MEI4: variants seen among roughly 807,000 people sequenced by gnomAD.
MEI4 encodes meiosis-specific protein MEI4.
Under a neutral mutation model 31.4 loss-of-function variants are expected in MEI4, and 27 were observed. The ratio of observed to expected loss-of-function variants is 0.86; its 90% CI spans 0.63 to 1.19. MEI4 has a LOEUF of 1.19. MEI4 is among the 50% of genes most tolerant of loss of function. The pLI, the probability that MEI4 is intolerant of heterozygous loss-of-function variation, is 0.00. For missense variants in MEI4, 329 were observed against 398.9 expected (o/e 0.82, Z 1.49); for synonymous variants, 122 against 145.4 (o/e 0.84, Z 1.16).
intron 4 of MEI4, among the ~76,000 whole-genome samples, chr6:77,850,080 A>G (rs1044529911): frequency 1.6e-4 from 25 of 152,160 alleles, no homozygotes; most frequent in African/African-American, 5.6e-4. Flanking sequence ...TCCTTCAACT[A>G]CTTTATTGAA....
At chr6:77,894,724 G>A (rs1024691174) in intron 4 of MEI4, among the ~76,000 whole-genome samples, 1 of 152,154 alleles carries the variant, frequency 6.6e-6, no homozygotes, top group Non-Finnish European at 1.5e-5. Flanking sequence ...CTAATCATGG[G>A]TTTTGTATCC....
At chr6:77,761,031 A>G in intron 2 of MEI4, 99 bp from the exon 3 acceptor site, 1 of 803,772 alleles carries the variant, frequency 1.2e-6, no homozygotes, top group Non-Finnish European at 1.7e-6. Context: ...GTGTATTTAT[A>G]TACTTCATTT....
intron 3 of MEI4, among the ~76,000 whole-genome samples, chr6:77,798,850 C>T (rs1769162109): frequency 1.3e-5 from 2 of 151,874 alleles, no homozygotes; most frequent in African/African-American, 4.8e-5. Context: ...GCGTAGTATT[C>T]CATGGTGTAT....
Position 77,678,739 on chromosome 6 carries a change from G to T in MEI4, c.-14-11919G>T, listed in dbSNP as rs150462752. Among the ~76,000 whole-genome samples, 26 of 151,916 alleles carry T rather than the reference G, an allele frequency of 1.7e-4. 1 individual carries two copies. In the East Asian group the frequency reaches 4.8e-3, roughly 28 times the overall value. On this transcript the variant is annotated intron_variant, in intron 1 of 4. Transcript: ENST00000684080. ...TACTTATTAAAAAAAAAAGATAATT[G>T]CAAAAGAGTCTCAGGTGGGTCCTAC... is the stretch of plus-strand genomic sequence containing the variant.
At chr6:77,767,767 AAC>A (rs1768212354) in intron 3 of MEI4, among the ~76,000 whole-genome samples, 1 of 152,086 alleles carries the variant, frequency 6.6e-6, no homozygotes, top group African/African-American at 2.4e-5. Flanking sequence ...TAATTAGATA[AAC>A]ACTTACTGAA....
chr6:77,774,562 A>G (rs1768392514), intron 3 of MEI4, among the ~76,000 whole-genome samples: 1 of 152,112 alleles, frequency 6.6e-6, no homozygotes, highest in Admixed American at 6.6e-5. Context: ...GGCCTAATGC[A>G]GGAAGTAGCT....
chr6:77,818,846 T>C (rs1769748726), intron 3 of MEI4, among the ~76,000 whole-genome samples: 1 of 152,098 alleles, frequency 6.6e-6, no homozygotes. Flanking sequence ...TCTTCAAGCC[T>C]CAGTCACCGA....
At chr6:77,691,845 C>T (rs568257803) in intron 2 of MEI4, among the ~76,000 whole-genome samples, 1 of 152,046 alleles carries the variant, frequency 6.6e-6, no homozygotes, top group African/African-American at 2.4e-5. Flanking sequence ...CCCTATTAAT[C>T]AGGAGCCACT....
chr6:77,841,165 C>T (rs917984664), intron 4 of MEI4, among the ~76,000 whole-genome samples: 1 of 151,208 alleles, frequency 6.6e-6, no homozygotes, highest in African/African-American at 2.4e-5. Context: ...TGAAACAAAG[C>T]TTAAACATTA....
At chr6:77,794,429 G>T (rs9359289) in intron 3 of MEI4, among the ~76,000 whole-genome samples, 24,001 of 152,014 alleles carry the variant, frequency 0.16, 2,290 homozygotes, top group East Asian at 0.39. Flanking sequence ...CGGGTGTGGT[G>T]GTGGGTGCCT....
chr6:77,737,055 T>G (rs1767263233), intron 2 of MEI4, among the ~76,000 whole-genome samples: 2 of 152,130 alleles, frequency 1.3e-5, no homozygotes, highest in African/African-American at 4.8e-5. Context: ...CAAACTAGGT[T>G]GAAGCCTAGT....
At chr6:77,703,933 G>T (rs1242062205) in intron 2 of MEI4, among the ~76,000 whole-genome samples, 2 of 152,158 alleles carry the variant, frequency 1.3e-5, no homozygotes, top group African/African-American at 2.4e-5. Flanking sequence ...GAGGGCGGGG[G>T]TTGGTAGTTG....
intron 2 of MEI4, among the ~76,000 whole-genome samples, chr6:77,732,587 A>G (rs1767036721): frequency 6.6e-6 from 1 of 151,360 alleles, no homozygotes; most frequent in Non-Finnish European, 1.5e-5. Context: ...GGACAATTTG[A>G]CTTCCTCTTT....
At chr6:77,849,593 T>C (rs1233247225) in intron 4 of MEI4, among the ~76,000 whole-genome samples, 1 of 152,220 alleles carries the variant, frequency 6.6e-6, no homozygotes, top group Admixed American at 6.5e-5. Flanking sequence ...TTCTTGATGG[T>C]GCTTAGATAC....
rs1252740235 is a variant in MEI4, at chr6:77,699,213, G to A, written c.232+8310G>A. ...TCTTTTTTTTTTTTTTTTTTGAGAC[G>A]GAGTCTCGCTCTGTCACCCAGGCTG... is the stretch of plus-strand genomic sequence containing the variant. On this transcript the variant is annotated intron_variant, in intron 2 of 4. Coordinates refer to ENST00000684080, the MANE Select transcript of MEI4 (RefSeq NM_001322247.2). Among the ~76,000 whole-genome samples, 165 of 119,762 alleles carry A rather than the reference G, an allele frequency of 1.4e-3. 1 individual carries two copies. Among genetic ancestry groups the A allele is most frequent in the African/African-American group, 3.5e-3 (108 of 31,188 alleles). The allele number at this position is 119,762 out of a possible 152,430, so 78.6% of individuals were successfully genotyped here.
intron 2 of MEI4, among the ~76,000 whole-genome samples, chr6:77,743,878 G>A (rs1485716402): frequency 6.6e-6 from 1 of 152,226 alleles, no homozygotes; most frequent in Non-Finnish European, 1.5e-5. Context: ...TGGACCTCTA[G>A]CAAACTCCAA....
At chr6:77,696,616 C>T (rs1467724607) in intron 2 of MEI4, among the ~76,000 whole-genome samples, 3 of 151,216 alleles carry the variant, frequency 2.0e-5, no homozygotes, top group Admixed American at 1.3e-4. Context: ...GGATGAAGCC[C>T]ACTTGATCAT....
intron 3 of MEI4, among the ~76,000 whole-genome samples, chr6:77,798,599 A>G (rs9352529): frequency 0.29 from 42,414 of 148,248 alleles, 5,562 homozygotes; most frequent in East Asian, 0.46. Context: ...CCATTAACTC[A>G]TCATTTAGCA....
chr6:77,680,128 A>AAAAAAAAAAAT (rs1247876878), intron 1 of MEI4, among the ~76,000 whole-genome samples: 18 of 115,588 alleles, frequency 1.6e-4, no homozygotes, highest in Non-Finnish European at 2.9e-4. Flanking sequence ...AAAAAAAAAA[A>AAAAAAAAAAAT]ATTAGCTGGG....
Sources: allele counts gnomAD v4.1 joint callset (sites outside exome capture counted in the v4.1 genomes callset), GRCh38; gene constraint gnomAD v4.1.1; transcripts MANE v1.5; gene names NCBI Gene and HGNC (gene_info 2026-07-23, HGNC 2026-07-21).